Variants in KAZN observed in about 807,000 individuals in gnomAD.
The protein encoded by KAZN is kazrin.
Under a neutral mutation model 87.4 loss-of-function variants are expected in KAZN, and 40 were observed. The observed-to-expected ratio is 0.46, with a 90% confidence interval of 0.36 to 0.60. KAZN has a LOEUF of 0.60. Ranked by LOEUF, KAZN falls within the 20% of genes least tolerant of loss-of-function variation. KAZN has a pLI of 0.00. For synonymous variants in KAZN, 466 were observed against 458.3 expected, an observed-to-expected ratio of 1.02 and a Z score of -0.22; for missense variants, 898 against 1,073.9, an observed-to-expected ratio of 0.84 and a Z score of 2.29.
At chr1:14,637,606 C>T (rs1680089646) in intron 1 of KAZN, among the ~76,000 whole-genome samples, 1 of 152,114 alleles carries the variant, frequency 6.6e-6, no homozygotes, top group South Asian at 2.1e-4. Flanking sequence ...GGTTTAATTA[C>T]TCCTGGATGA....
intron 2 of KAZN, among the ~76,000 whole-genome samples, chr1:14,406,548 T>C (rs1175098050): frequency 1.3e-5 from 2 of 151,972 alleles, no homozygotes; most frequent in Non-Finnish European, 2.9e-5. Context: ...GGGGAAAGGA[T>C]GGGAGGGGGG....
At chr1:14,883,303 AG>A (rs1231361456) in intron 1 of KAZN, among the ~76,000 whole-genome samples, 1,447 of 52,594 alleles carry the variant, frequency 0.028, 120 homozygotes, top group African/African-American at 0.066. Flanking sequence ...CTCAAAAGAA[AG>A]AAAGAAAGAA....
intron 1 of KAZN, among the ~76,000 whole-genome samples, chr1:14,090,828 G>A (rs1477420404): frequency 2.6e-5 from 4 of 151,984 alleles, no homozygotes; most frequent in African/African-American, 9.7e-5. Flanking sequence ...AACACTAGAG[G>A]AACAGCCGGG....
rs77296738 is a variant in KAZN at position 14,484,004 on chromosome 1, G to A, written c.250-114979G>A. 2.0e-3 allele frequency among the ~76,000 whole-genome samples: 299 copies of A among 152,282 alleles called. 1 individual carries two copies. The highest frequency in any genetic ancestry group is 5.2e-3 in the African/African-American group (218 of 41,554). ...GTGGATATCCAGTTTTTCCAGTACC[G>A]TTTATTAAAGAGATCGTCTTCTCCT... On this transcript the variant is annotated intron_variant, in intron 2 of 16. Transcript: ENST00000636203.
chr1:14,682,621 C>T (rs12038997), intron 1 of KAZN, among the ~76,000 whole-genome samples: 70,660 of 151,768 alleles, frequency 0.47, 17,128 homozygotes, highest in South Asian at 0.61. Context: ...AGAGTAATAT[C>T]CCATTGTATA....
intron 8 of KAZN, chr1:15,067,039 G>T (rs1240358735): frequency 1.0e-6 from 1 of 985,620 alleles, no homozygotes; most frequent in East Asian, 1.1e-4. Context: ...CCAAGGGTAC[G>T]ACCAGTGGGA....
chr1:14,598,612 G>A (rs1315434293), upstream of KAZN: 1 of 1,070,748 alleles, frequency 9.3e-7, no homozygotes. This position sits in a 1 kb window ranked among gnomAD's most constrained non-coding sequence, Gnocchi z 4.2. Context: ...CCCAGCCTCC[G>A]ACCGAGACCC....
intron 1 of KAZN, among the ~76,000 whole-genome samples, chr1:13,903,990 G>A (rs1218443336): frequency 6.6e-6 from 1 of 152,148 alleles, no homozygotes; most frequent in East Asian, 1.9e-4. Flanking sequence ...GCTCTAGAGA[G>A]GCATGAACCA....
intron 2 of KAZN, among the ~76,000 whole-genome samples, chr1:14,258,953 A>G (rs1262363387): frequency 1.3e-5 from 2 of 152,224 alleles, no homozygotes; most frequent in African/African-American, 4.8e-5. Context: ...CAAAATGCAG[A>G]GTAGCTCCAA....
At chr1:15,008,263 G>A (rs538368156) in intron 2 of KAZN, among the ~76,000 whole-genome samples, 20 of 152,294 alleles carry the variant, frequency 1.3e-4, no homozygotes, top group East Asian at 5.8e-4. Flanking sequence ...TGCCAGAGTC[G>A]TGGAGGAAAG....
At chr1:14,360,265 C>T (rs1659392836) in intron 2 of KAZN, among the ~76,000 whole-genome samples, 1 of 152,136 alleles carries the variant, frequency 6.6e-6, no homozygotes, top group Non-Finnish European at 1.5e-5. Flanking sequence ...TCTCGAAGTA[C>T]TTGTGCTGTG....
At chr1:14,966,533 GTTCT>G in intron 2 of KAZN, among the ~76,000 whole-genome samples, 1 of 152,310 alleles carries the variant, frequency 6.6e-6, no homozygotes, top group East Asian at 1.9e-4. Context: ...AATTGTGGGT[GTTCT>G]TTGATACCAT....
intron 1 of KAZN, among the ~76,000 whole-genome samples, chr1:13,945,720 A>G: frequency 9.2e-6 from 1 of 108,904 alleles, no homozygotes; most frequent in Admixed American, 1.0e-4. Context: ...TGAGAGAGAG[A>G]GAGAGAGAGA....
intron 1 of KAZN, among the ~76,000 whole-genome samples, chr1:14,948,050 C>T (rs1053230080): frequency 2.0e-5 from 3 of 152,152 alleles, no homozygotes; most frequent in Non-Finnish European, 4.4e-5. Flanking sequence ...AACTAAGTTC[C>T]CTTGTCCATT....
chr1:15,045,334 T>C (rs1357363623), intron 4 of KAZN, among the ~76,000 whole-genome samples: 1 of 152,172 alleles, frequency 6.6e-6, no homozygotes, highest in African/African-American at 2.4e-5. Flanking sequence ...CCCCAGGTGC[T>C]TCCCAGCTGT....
chr1:13,981,006 T>C (rs1192788788), intron 1 of KAZN, among the ~76,000 whole-genome samples: 1 of 145,818 alleles, frequency 6.9e-6, no homozygotes, highest in Non-Finnish European at 1.5e-5. Context: ...ATTTTATGAG[T>C]CAGCTCATGC....
At chr1:14,556,636 T>C (rs1043692177) in intron 2 of KAZN, among the ~76,000 whole-genome samples, 2 of 152,120 alleles carry the variant, frequency 1.3e-5, no homozygotes, top group East Asian at 1.9e-4. Context: ...TTTATCCAAA[T>C]TGATAGTTGT....
chr1:14,830,985 T>C (rs1647033776), intron 1 of KAZN, among the ~76,000 whole-genome samples: 1 of 152,224 alleles, frequency 6.6e-6, no homozygotes, highest in Admixed American at 6.5e-5. Flanking sequence ...AGCCCTTCTC[T>C]ACCTCTTCAT....
intron 2 of KAZN, among the ~76,000 whole-genome samples, chr1:14,983,827 A>G (rs1666507869): frequency 6.6e-6 from 1 of 152,094 alleles, no homozygotes; most frequent in South Asian, 2.1e-4. Flanking sequence ...CTGTAATCCC[A>G]ACTACTCAGG....
Sources: gnomAD v4.1 joint callset for allele counts (sites outside exome capture counted in the v4.1 genomes callset) on GRCh38, gnomAD v4.1.1 for gene constraint, Gnocchi (gnomAD v3.1) non-coding constraint, MANE v1.5 for transcripts, NCBI Gene and HGNC (gene_info 2026-07-23, HGNC 2026-07-21) for gene names.